Variants in CDH10 observed in about 807,000 individuals in gnomAD.
CDH10 encodes cadherin 10.
CDH10 carries 30 observed loss-of-function variants against 73.1 expected under a neutral mutation model. The observed-to-expected ratio is 0.41, with a 90% CI of 0.31 to 0.56. The LOEUF (loss-of-function observed/expected upper bound fraction) is 0.56, where lower values mean the gene tolerates loss of function less well. CDH10 is among the 20% of genes least tolerant of loss of function. The pLI is 0.27. For missense variants in CDH10, 815 were observed against 973.7 expected (o/e 0.84, Z 2.17); for synonymous variants, 345 against 348.2 (o/e 0.99, Z 0.10).
At chr5:24,639,813 A>G (rs954203524) in intron 1 of CDH10, among the ~76,000 whole-genome samples, 1 of 151,806 alleles carries the variant, frequency 6.6e-6, no homozygotes, top group Non-Finnish European at 1.5e-5. Context: ...CCTCTCTTAT[A>G]GTAAATCAGT....
chr5:24,572,935 GAAAAA>G (rs55946839), intron 2 of CDH10, among the ~76,000 whole-genome samples: 11 of 72,102 alleles, frequency 1.5e-4, no homozygotes, highest in Non-Finnish European at 2.0e-4. Context: ...CTTAGAAAAA[GAAAAA>G]AAAAAAAAAA....
At chr5:24,579,391 A>ATT (rs34604235) in intron 2 of CDH10, among the ~76,000 whole-genome samples, 1 of 151,310 alleles carries the variant, frequency 6.6e-6, no homozygotes, top group Middle Eastern at 3.2e-3. Context: ...ATAGATATAT[A>ATT]TTTTTTCTTG....
intron 5 of CDH10, among the ~76,000 whole-genome samples, 173 bp from the exon 6 acceptor site, chr5:24,511,687 A>T (rs1742917480): frequency 6.6e-6 from 1 of 152,228 alleles, no homozygotes. Context: ...GAATACACAT[A>T]ACATGGATAA....
At chr5:24,545,944 G>A (rs1744322300) in intron 2 of CDH10, among the ~76,000 whole-genome samples, 1 of 152,094 alleles carries the variant, frequency 6.6e-6, no homozygotes, top group African/African-American at 2.4e-5. Flanking sequence ...ATATTTGAAG[G>A]TCTGTGCCTC....
At chr5:24,595,532 C>T (rs1304295149) in intron 1 of CDH10, among the ~76,000 whole-genome samples, 3 of 151,874 alleles carry the variant, frequency 2.0e-5, no homozygotes, top group African/African-American at 7.2e-5. Context: ...AATGGTCTTA[C>T]ATCACAAAGC....
At position 24,591,743 on chromosome 5, in the gene CDH10, G is replaced by A. The variant is rs553845250; in HGVS notation, c.231+1517C>T. ...ACTACTCTAAGAGATATGAAGTACA[G>A]TTCTTGATTTCAAGGTGTTGATATT... is the stretch of plus-strand genomic sequence containing the variant. On this transcript the variant is annotated intron_variant, in intron 2 of 11. Transcript: ENST00000264463. 7.9e-5 allele frequency among the ~76,000 whole-genome samples: 12 copies of A among 151,922 alleles called. No individual in the cohort carries two copies. The South Asian group carries it at 2.5e-3, about 31-fold the overall frequency.
intron 2 of CDH10, among the ~76,000 whole-genome samples, chr5:24,581,331 A>T (rs1031967973): frequency 7.2e-5 from 11 of 152,158 alleles, no homozygotes; most frequent in African/African-American, 2.7e-4. Context: ...TGCTGGTCTC[A>T]TTCACTTCCT....
intron 2 of CDH10, among the ~76,000 whole-genome samples, chr5:24,588,358 T>A (rs1306468654): frequency 6.6e-6 from 1 of 152,024 alleles, no homozygotes; most frequent in Non-Finnish European, 1.5e-5. Flanking sequence ...TAAAAGCAGG[T>A]TTATATTTAG....
At chr5:24,521,263 G>A (rs1743321318) in intron 5 of CDH10, among the ~76,000 whole-genome samples, 1 of 152,122 alleles carries the variant, frequency 6.6e-6, no homozygotes, top group Admixed American at 6.6e-5. Flanking sequence ...AGTAAAAGTG[G>A]GCCGGGTGTG....
At chr5:24,552,105 T>C (rs1744566972) in intron 2 of CDH10, among the ~76,000 whole-genome samples, 1 of 152,132 alleles carries the variant, frequency 6.6e-6, no homozygotes. Context: ...AACATATAAG[T>C]GCTTCTTGGT....
intron 2 of CDH10, among the ~76,000 whole-genome samples, chr5:24,554,691 T>G (rs1167221010): frequency 6.6e-6 from 1 of 152,158 alleles, no homozygotes; most frequent in Non-Finnish European, 1.5e-5. Context: ...CTGATTTTCA[T>G]TTAATTATGG....
intron 1 of CDH10, among the ~76,000 whole-genome samples, chr5:24,628,164 T>A (rs1747573483): frequency 6.6e-6 from 1 of 152,122 alleles, no homozygotes; most frequent in Non-Finnish European, 1.5e-5. Flanking sequence ...AACTGAGGTA[T>A]GATTTAAACA....
At chr5:24,519,037 T>C (rs1270359292) in intron 5 of CDH10, among the ~76,000 whole-genome samples, 1 of 151,718 alleles carries the variant, frequency 6.6e-6, no homozygotes, top group Admixed American at 6.6e-5. Flanking sequence ...ATTACAGTTG[T>C]GCACCACCAT....
chr5:24,530,897 G>C (rs1264307059), intron 5 of CDH10, among the ~76,000 whole-genome samples: 1 of 152,014 alleles, frequency 6.6e-6, no homozygotes, highest in African/African-American at 2.4e-5. Flanking sequence ...AGACTATAAA[G>C]ATAACTTAGA....
intron 1 of CDH10, among the ~76,000 whole-genome samples, chr5:24,640,255 A>G (rs1300187989): frequency 2.0e-5 from 3 of 151,690 alleles, no homozygotes; most frequent in Non-Finnish European, 3.0e-5. Flanking sequence ...AGAGAAAAGG[A>G]AAAAAGAGAG....
chr5:24,552,425 AT>A (rs1323077346), intron 2 of CDH10, among the ~76,000 whole-genome samples: 1 of 151,990 alleles, frequency 6.6e-6, no homozygotes, highest in African/African-American at 2.4e-5. Flanking sequence ...ATGCCTTTGT[AT>A]AATTTATAAT....
intron 1 of CDH10, among the ~76,000 whole-genome samples, chr5:24,597,715 T>C (rs968349487): frequency 3.3e-5 from 5 of 152,032 alleles, no homozygotes; most frequent in Non-Finnish European, 5.9e-5. Flanking sequence ...TTATCACAAA[T>C]ATTATTTTCT....
At chr5:24,539,222 A>T (rs1227683510) in intron 2 of CDH10, among the ~76,000 whole-genome samples, 1 of 151,974 alleles carries the variant, frequency 6.6e-6, no homozygotes, top group Admixed American at 6.6e-5. Context: ...TTACCTAAAT[A>T]AGTTTCATTT....
rs371379069 is a variant in CDH10, at chr5:24,617,216, C to T, written c.-123-23603G>A. On this transcript the variant is annotated intron_variant, in intron 1 of 11. Transcript: ENST00000264463. ...ATCCCCAGCCTCTACCTACACCATGCCAGTAGCAATGCACCCCTCCTGCTT... is the reference window on the plus strand; with the variant it reads ...ATCCCCAGCCTCTACCTACACCATGTCAGTAGCAATGCACCCCTCCTGCTT... Among the ~76,000 whole-genome samples, 74 of 152,182 alleles carry T rather than the reference C, an allele frequency of 4.9e-4. No individual in the cohort carries two copies. The South Asian group carries it at 0.014, about 29-fold the overall frequency.
Sources: gnomAD v4.1 joint callset for allele counts (sites outside exome capture counted in the v4.1 genomes callset) on GRCh38, gnomAD v4.1.1 for gene constraint, MANE v1.5 for transcripts, NCBI Gene and HGNC (gene_info 2026-07-23, HGNC 2026-07-21) for gene names.